The following LOC128462377 variants were observed in gnomAD, a reference collection of about 807,000 sequenced individuals.
chr16:89,351,933 G>C, the LOC128462377 span, among the ~76,000 whole-genome samples: 2 of 152,114 alleles, frequency 1.3e-5, no homozygotes, highest in Admixed American at 6.5e-5. Context: ...CTTTTTTGGA[G>C]ACAGTCTCAC....
At chr16:89,410,158 C>T in the LOC128462377 span, among the ~76,000 whole-genome samples, 1 of 152,142 alleles carries the variant, frequency 6.6e-6, no homozygotes, top group Non-Finnish European at 1.5e-5. Flanking sequence ...ATTTAAAACA[C>T]AGTTTGCTGT....
the LOC128462377 span, among the ~76,000 whole-genome samples, chr16:89,337,370 TCA>T: frequency 6.8e-6 from 1 of 147,544 alleles, no homozygotes; most frequent in South Asian, 2.3e-4. Flanking sequence ...CATCAGACAC[TCA>T]CAGTTTTTGT....
chr16:89,364,455 A>G, the LOC128462377 span, among the ~76,000 whole-genome samples: 1 of 152,216 alleles, frequency 6.6e-6, no homozygotes, highest in Non-Finnish European at 1.5e-5. Context: ...GTTGTTTGAG[A>G]TGCTACTTAA....
At chr16:89,319,803 G>T in the LOC128462377 span, among the ~76,000 whole-genome samples, 1 of 152,242 alleles carries the variant, frequency 6.6e-6, no homozygotes, top group Admixed American at 6.5e-5. Context: ...GCCCACTCTA[G>T]AGTCTTTTTC....
the LOC128462377 span, among the ~76,000 whole-genome samples, chr16:89,381,319 G>A: frequency 6.3e-5 from 8 of 127,062 alleles, no homozygotes; most frequent in Admixed American, 5.0e-4. Context: ...GCTACAGAGC[G>A]AGACTCTGCT....
At chr16:89,349,289 G>C in the LOC128462377 span, among the ~76,000 whole-genome samples, 9 of 151,944 alleles carry the variant, frequency 5.9e-5, no homozygotes, top group Non-Finnish European at 1.2e-4. Context: ...AGCACTTTGG[G>C]AGAACACGGT....
chr16:89,390,841 C>T, the LOC128462377 span, among the ~76,000 whole-genome samples: 10 of 152,286 alleles, frequency 6.6e-5, no homozygotes, highest in African/African-American at 1.7e-4. Flanking sequence ...CCCTGCCCTC[C>T]GCATCTGACT....
At chr16:89,335,366 T>C in the LOC128462377 span, among the ~76,000 whole-genome samples, 1 of 152,148 alleles carries the variant, frequency 6.6e-6, no homozygotes, top group Non-Finnish European at 1.5e-5. Flanking sequence ...GAGGCATCCG[T>C]GAGTCCCACA....
the LOC128462377 span, among the ~76,000 whole-genome samples, chr16:89,365,194 T>C: frequency 6.6e-6 from 1 of 152,306 alleles, no homozygotes; most frequent in South Asian, 2.1e-4. Flanking sequence ...GTGATGACTA[T>C]CTTGTTGGCT....
At chr16:89,398,445 C>A in the LOC128462377 span, among the ~76,000 whole-genome samples, 5 of 136,972 alleles carry the variant, frequency 3.7e-5, no homozygotes, top group South Asian at 1.1e-3. Flanking sequence ...CACTGTGAAA[C>A]AGCTGAAGAT....
At chr16:89,387,061 T>C in the LOC128462377 span, among the ~76,000 whole-genome samples, 9 of 151,750 alleles carry the variant, frequency 5.9e-5, no homozygotes, top group Non-Finnish European at 1.2e-4. Context: ...TCCTGGAAGG[T>C]GCAGGAGCCA....
chr16:89,376,741 G>T, the LOC128462377 span, among the ~76,000 whole-genome samples: 3 of 152,186 alleles, frequency 2.0e-5, no homozygotes, highest in Non-Finnish European at 2.9e-5. Flanking sequence ...GCCTGGCCCT[G>T]CCTGAACAGG....
At chr16:89,399,691 C>T in the LOC128462377 span, among the ~76,000 whole-genome samples, 11 of 152,134 alleles carry the variant, frequency 7.2e-5, no homozygotes, top group South Asian at 2.1e-4. Context: ...AGGGCGGTCG[C>T]GACTATAACA....
At chr16:89,381,737 C>T in the LOC128462377 span, among the ~76,000 whole-genome samples, 2 of 152,188 alleles carry the variant, frequency 1.3e-5, no homozygotes, top group African/African-American at 4.8e-5. Context: ...GAATACCTGT[C>T]AGCATATACA....
At chr16:89,369,860 A>C in the LOC128462377 span, among the ~76,000 whole-genome samples, 3 of 152,216 alleles carry the variant, frequency 2.0e-5, no homozygotes, top group Non-Finnish European at 4.4e-5. Context: ...AATGTGTACA[A>C]GGGACTGCTC....
chr16:89,331,441 T>TTTACAGA, the LOC128462377 span, among the ~76,000 whole-genome samples: 10 of 151,970 alleles, frequency 6.6e-5, no homozygotes, highest in African/African-American at 2.4e-4. Flanking sequence ...AAAGGGAGAA[T>TTTACAGA]TTACAGATTA....
the LOC128462377 span, among the ~76,000 whole-genome samples, chr16:89,402,913 C>T: frequency 2.0e-5 from 3 of 152,236 alleles, no homozygotes; most frequent in Non-Finnish European, 4.4e-5. Flanking sequence ...GCCAGCACTG[C>T]GCCACTCCCA....
the LOC128462377 span, among the ~76,000 whole-genome samples, chr16:89,391,703 G>A: frequency 6.6e-6 from 1 of 152,188 alleles, no homozygotes; most frequent in African/African-American, 2.4e-5. Context: ...AGGACAAGCT[G>A]ACAGAGAATC....
the LOC128462377 span, among the ~76,000 whole-genome samples, chr16:89,413,484 G>A: frequency 6.6e-6 from 1 of 152,156 alleles, no homozygotes; most frequent in African/African-American, 2.4e-5. Context: ...AATTAGCCGG[G>A]CGTGGTGGCG....
Sources: gnomAD v4.1 joint callset for allele counts (sites outside exome capture counted in the v4.1 genomes callset) on GRCh38, gnomAD v4.1.1 for gene constraint, MANE v1.5 for transcripts.